Variants in IZUMO1R observed in about 807,000 individuals in gnomAD.
IZUMO1R encodes the protein IZUMO1 receptor, JUNO, also known as sperm-egg fusion protein Juno.
IZUMO1R carries 24 observed loss-of-function variants against 22.1 expected under a neutral mutation model. The ratio of observed to expected loss-of-function variants is 1.09; its 90% CI spans 0.79 to 1.53. The LOEUF is 1.53. IZUMO1R is among the 40% of genes most tolerant of loss of function. IZUMO1R has a pLI of 0.00. For synonymous variants in IZUMO1R, 133 were observed against 121.2 expected, an observed-to-expected ratio of 1.10 and a Z score of -0.64; for missense variants, 308 against 314.9, an observed-to-expected ratio of 0.98 and a Z score of 0.17.
chr11:94,306,122 G>C (rs1440167682), intron 2 of IZUMO1R, among the ~76,000 whole-genome samples: 1 of 151,866 alleles, frequency 6.6e-6, no homozygotes, highest in Non-Finnish European at 1.5e-5. Flanking sequence ...GCAATTTCCA[G>C]GGATATGGGA....
chr11:94,306,401 C>A, intron 2 of IZUMO1R, 112 bp from the exon 3 acceptor site: 1 of 960,970 alleles, frequency 1.0e-6, no homozygotes, highest in Non-Finnish European at 1.7e-6. Context: ...AAAGGCATCC[C>A]ACTTGCTCAG....
intron 2 of IZUMO1R, among the ~76,000 whole-genome samples, chr11:94,306,014 G>C (rs1944015202): frequency 6.6e-6 from 1 of 151,694 alleles, no homozygotes; most frequent in African/African-American, 2.4e-5. Flanking sequence ...TGATCCCAGA[G>C]ATCCATTGTT....
chr11:94,307,342 T>C (rs775432942), intron 4 of IZUMO1R, 42 bp downstream of exon 4: 1 of 1,612,302 alleles, frequency 6.2e-7, no homozygotes, highest in East Asian at 2.2e-5. Flanking sequence ...AGAGGCCCCT[T>C]GGTGGTCCCC....
chr11:94,305,577 G>A, intron 1 of IZUMO1R, 54 bp from the exon 2 acceptor site: 1 of 1,597,072 alleles, frequency 6.3e-7, no homozygotes, highest in Non-Finnish European at 8.5e-7. Flanking sequence ...TATGATGAAG[G>A]GGGTGGAGTG....
Position 94,305,671 on chromosome 11 carries a change from G to A in IZUMO1R, c.35G>A (p.Trp12Ter). 1 of 1,613,258 alleles carries A rather than the reference G, an allele frequency of 6.2e-7. No individual in the cohort carries two copies. Among genetic ancestry groups the A allele is most frequent in the Non-Finnish European group, 8.5e-7 (1 of 1,179,736 alleles). ...TGGTGGCCGCTCCTGCTAGAGCTGT[G>A]GACAGTCATGCCCACCTGGGCTGGG... ...ACWWPLLLEL[W>*]TVMPTWAGDE... The change falls in exon 2 of 5, where the codon TGG (tryptophan) becomes TAG (stop). Residue 12 changes from tryptophan (W) to a stop codon, truncating the protein, a stop_gained. Coordinates refer to ENST00000687084, the MANE Select transcript of IZUMO1R (RefSeq NM_001199206.4). LOFTEE classifies it high-confidence loss of function.
At position 94,306,521 on chromosome 11, in the gene IZUMO1R, C is replaced by T; in HGVS notation, c.147C>T (p.Pro49=). 6.2e-7 allele frequency: 1 copy of T among 1,613,898 alleles called. No homozygotes were observed. Among genetic ancestry groups the T allele is most frequent in the Non-Finnish European group, 8.5e-7 (1 of 1,179,848 alleles). ...TCTTCCTCTGCCTTCAGTGCATCCC[C>T]TGGAAGGACAATGCCTGCTGCACCC... ...PEDKLYEECI[P]WKDNACCTLT... Residue 49 remains proline, a synonymous_variant, in exon 3 of 5, where the codon CCC becomes CCT. Coordinates refer to ENST00000687084, the MANE Select transcript of IZUMO1R (RefSeq NM_001199206.4).
At chr11:94,305,013 G>T (rs1248440960) in intron 1 of IZUMO1R, among the ~76,000 whole-genome samples, 134 bp downstream of exon 1, 1 of 152,164 alleles carries the variant, frequency 6.6e-6, no homozygotes, top group Admixed American at 6.5e-5. Context: ...CCTTAGATTT[G>T]GACTTGAGGT....
Position 94,307,820 on chromosome 11 carries a change from C to G in IZUMO1R, c.*128C>G. 5.0e-6 allele frequency: 1 copy of G among 199,826 alleles called. No homozygotes were observed. The allele number at this position is 199,826 out of a possible 1,614,324, so 12.4% of individuals were successfully genotyped here. ...CATGGGCTAGGGACTGCAGTCCCAC[C>G]CAGTCTAGCCCATGCCACTGCTTTT... On this transcript the variant is annotated 3_prime_UTR_variant, in exon 5 of 5. Transcript: ENST00000687084.
At chr11:94,306,843 A>G in intron 3 of IZUMO1R, 121 bp downstream of exon 3, 1 of 1,039,730 alleles carries the variant, frequency 9.6e-7, no homozygotes, top group Non-Finnish European at 1.4e-6. Context: ...CCTATGGACA[A>G]GAGCAGAGCC....
chr11:94,307,336 G>A (rs745954385), intron 4 of IZUMO1R, 36 bp downstream of exon 4: 1 of 1,612,456 alleles, frequency 6.2e-7, no homozygotes, highest in Non-Finnish European at 8.5e-7. Flanking sequence ...TCGGGAAGAG[G>A]CCCCTTGGTG....
At chr11:94,307,025 G>GTAT in intron 3 of IZUMO1R, 140 bp from the exon 4 acceptor site, 1 of 1,027,382 alleles carries the variant, frequency 9.7e-7, no homozygotes, top group Non-Finnish European at 1.4e-6. Context: ...AGCCTCATTG[G>GTAT]TATTATTTGT....
At position 94,306,704 on chromosome 11, in the gene IZUMO1R, G is replaced by T; in HGVS notation, c.330G>T (p.Val110=). The part of the protein sequence containing the change: ...SPNLGPWIQP[V]GSLGWEVAPS... ...ACCTGGGGCCCTGGATCCAGCCAGTGGGAAGCCTGGGGTGGGAGGTAGGAA... is the reference window on the plus strand; with the variant it reads ...ACCTGGGGCCCTGGATCCAGCCAGTTGGAAGCCTGGGGTGGGAGGTAGGAA... The change falls in exon 3 of 5, where the codon GTG becomes GTT. Residue 110 remains valine, a synonymous_variant. Coordinates refer to ENST00000687084, the MANE Select transcript of IZUMO1R (RefSeq NM_001199206.4). The T allele has an allele frequency of 6.2e-7, 1 of 1,613,956 alleles. No homozygotes were observed.
chr11:94,305,787 G>T lies in IZUMO1R; in HGVS notation c.138+13G>T. On this transcript the variant is annotated intron_variant, in intron 2 of 4. Transcript: ENST00000687084. ...GCTCTATGAGGAGGTACAGAGGCCA[G>T]ACCTGGGTATGGGATGGGGAAGATC... The T allele has an allele frequency of 6.2e-7, 1 of 1,612,696 alleles. No homozygotes were observed. Among genetic ancestry groups the T allele is most frequent in the South Asian group, 1.1e-5 (1 of 90,814 alleles).
At chr11:94,305,290 C>T (rs1240123245) in intron 1 of IZUMO1R, among the ~76,000 whole-genome samples, 3 of 152,184 alleles carry the variant, frequency 2.0e-5, no homozygotes, top group Non-Finnish European at 2.9e-5. Flanking sequence ...CACTACTACC[C>T]AGAACAGAGT....
At chr11:94,305,111 C>T (rs1944001626) in intron 1 of IZUMO1R, among the ~76,000 whole-genome samples, 1 of 152,056 alleles carries the variant, frequency 6.6e-6, no homozygotes, top group Non-Finnish European at 1.5e-5. Flanking sequence ...CCAGTTTCAC[C>T]ATGATGGGTC....
Position 94,307,340 on chromosome 11 carries a change from C to G in IZUMO1R, c.484+40C>G, listed in dbSNP as rs769828053. The G allele has an allele frequency of 1.4e-5, 23 of 1,612,276 alleles. No homozygotes were observed. The South Asian group carries it at 2.5e-4, about 18-fold the overall frequency. ...CAAGGCCTTGGTCGGGAAGAGGCCC[C>G]TTGGTGGTCCCCACAAGGGTGCAGG... On this transcript the variant is annotated intron_variant, in intron 4 of 4. Coordinates refer to ENST00000687084, the MANE Select transcript of IZUMO1R (RefSeq NM_001199206.4).
Position 94,307,173 on chromosome 11 carries a change from G to A in IZUMO1R, c.357G>A (p.Pro119=), listed in dbSNP as rs145715915. 323 of 1,596,460 alleles carry A rather than the reference G, an allele frequency of 2.0e-4. 1 individual carries two copies. The highest frequency in any genetic ancestry group is 1.6e-3 in the Admixed American group (91 of 56,852). ...GCTATGACTGCACCCAGGTGGCCCC[G>A]AGTGGGCAGGGAGAGCGAGTTGTGA... is the stretch of plus-strand genomic sequence containing the variant. ...PVGSLGWEVA[P]SGQGERVVNV... The change falls in exon 4 of 5, where the codon CCG becomes CCA. Residue 119 remains proline (P), a synonymous_variant. Transcript: ENST00000687084.
intron 1 of IZUMO1R, 158 bp from the exon 2 acceptor site, chr11:94,305,473 G>T: frequency 1.2e-6 from 1 of 817,102 alleles, no homozygotes; most frequent in Non-Finnish European, 2.0e-6. Flanking sequence ...CTGACATTCT[G>T]TGATGCTGCC....
At position 94,305,767 on chromosome 11, in the gene IZUMO1R, A is replaced by G. The variant is rs188617946; in HGVS notation, c.131A>G (p.Tyr44Cys). The change falls in exon 2 of 5, where the codon TAT (tyrosine) becomes TGT (cysteine). Residue 44 changes from tyrosine (Y) to cysteine (C), a missense_variant. Coordinates refer to ENST00000687084, the MANE Select transcript of IZUMO1R (RefSeq NM_001199206.4). ...KRVPSPEDKL[Y>C]EECIPWKDNA... ...GTGCCCAGCCCAGAAGACAAGCTCT[A>G]TGAGGAGGTACAGAGGCCAGACCTG... The G allele has an allele frequency of 5.5e-5, 88 of 1,613,006 alleles. No homozygotes were observed. The African/African-American group carries it at 1.0e-3, about 19-fold the overall frequency.
Sources: gnomAD v4.1 joint callset for allele counts (sites outside exome capture counted in the v4.1 genomes callset) on GRCh38, gnomAD v4.1.1 for gene constraint, MANE v1.5 for transcripts, NCBI Gene and HGNC (gene_info 2026-07-23, HGNC 2026-07-21) for gene names.